Variants in IRX2 observed in about 807,000 individuals in gnomAD.
The protein encoded by IRX2 is iroquois homeobox 2.
In IRX2, 26 loss-of-function variants were observed where a neutral mutation model predicts 42.9. That is an observed-to-expected ratio of 0.61 (90% CI 0.44 to 0.84). The LOEUF is 0.84. IRX2 is among the 40% of genes least tolerant of loss of function. The pLI, the probability that IRX2 is intolerant of heterozygous loss-of-function variation, is 0.00. For missense variants in IRX2, 782 were observed against 713.9 expected, an observed-to-expected ratio of 1.10 and a Z score of -1.09; for synonymous variants, 424 against 353.9, an observed-to-expected ratio of 1.20 and a Z score of -2.22.
chr5:2,738,782 TGTG>T, the IRX2 span, among the ~76,000 whole-genome samples: 1 of 151,666 alleles, frequency 6.6e-6, no homozygotes, highest in Admixed American at 6.6e-5. Context: ...GGAGGCCAGG[TGTG>T]TGGCTCCAGA....
chr5:2,742,728 CT>C (rs1355238792), downstream of IRX2, among the ~76,000 whole-genome samples: 1 of 152,086 alleles, frequency 6.6e-6, no homozygotes, highest in East Asian at 1.9e-4. Context: ...TTGGATGAAA[CT>C]TTCTCATAAT....
Position 2,751,091 on chromosome 5 carries a change from C to A in IRX2, c.249+74G>T. The A allele has an allele frequency of 5.0e-6, 6 of 1,192,706 alleles. No individual in the cohort carries two copies. The highest frequency in any genetic ancestry group is 6.2e-6 in the Non-Finnish European group (6 of 962,792). The allele number at this position is 1,192,706 out of a possible 1,614,324, so 73.9% of individuals were successfully genotyped here. A position where few individuals can be genotyped will look rare whatever the true frequency, so the allele number is the denominator to read the frequency against. ...CCCGGCGGCCCCCGCCCGCCGAACC[C>A]GAGCCCCGCTCCGCCTGAGCCCCGT... On this transcript the variant is annotated intron_variant, in intron 1 of 3. Transcript: ENST00000302057. The surrounding 1 kb of genome is among the most constrained non-coding windows in gnomAD (Gnocchi z 4.0).
chr5:2,738,932 T>C, the IRX2 span, among the ~76,000 whole-genome samples: 1 of 152,182 alleles, frequency 6.6e-6, no homozygotes. Flanking sequence ...GGAGACCCTC[T>C]TCTGACTCCC....
At chr5:2,748,289 T>C in intron 3 of IRX2, 56 bp downstream of exon 3, 2 of 1,346,860 alleles carry the variant, frequency 1.5e-6, no homozygotes, top group South Asian at 1.8e-5. Context: ...GCGCTCCGCC[T>C]CCCCGGGGCT....
rs1467445372 is a variant in IRX2 at position 2,747,315 on chromosome 5, ATATATTT to A, written c.*242_*248del. ...CACACACACACACACACATATATAT[ATATATTT>A]TTTTTTTCCTTCCCTAGGTAAAGGA... On this transcript the variant is annotated 3_prime_UTR_variant, in exon 4 of 4. Coordinates refer to ENST00000302057, the MANE Select transcript of IRX2 (RefSeq NM_033267.5). 5 of 258,310 alleles carry A rather than the reference ATATATTT, an allele frequency of 1.9e-5. No individual in the cohort carries two copies. The highest frequency in any genetic ancestry group is 3.6e-5 in the Non-Finnish European group (5 of 137,878). The allele number at this position is 258,310 out of a possible 1,614,324, so 16.0% of individuals were successfully genotyped here.
rs113795701 is a variant in IRX2, at chr5:2,748,643, G to C, written c.1065C>G (p.Pro355=). The part of the protein sequence containing the change: ...LGPGCGPPGL[P]AAAAPASTGA... Reference sequence around the variant, plus strand: ...CGGTTGAGGCCGGCGCGGCGGCCGCGGGCAGCCCCGGTGGCCCGCAGCCCG... The same window carrying C: ...CGGTTGAGGCCGGCGCGGCGGCCGCCGGCAGCCCCGGTGGCCCGCAGCCCG... Residue 355 remains proline (P), a synonymous_variant, in exon 3 of 4, where the codon CCC becomes CCG. Coordinates refer to ENST00000302057, the MANE Select transcript of IRX2 (RefSeq NM_033267.5). 3 of 1,407,208 alleles carry C rather than the reference G, an allele frequency of 2.1e-6. No homozygotes were observed. Among genetic ancestry groups the C allele is most frequent in the East Asian group, 6.1e-5 (2 of 32,620 alleles). 87.2% of individuals were successfully genotyped at this position (1,407,208 alleles called of 1,614,324 possible). A position where few individuals can be genotyped will look rare whatever the true frequency, so the allele number is the denominator to read the frequency against.
At chr5:2,736,588 C>T in the IRX2 span, 2 of 152,154 alleles carry the variant, frequency 1.3e-5, no homozygotes, top group African/African-American at 4.8e-5. Context: ...TAAATGTATG[C>T]TTTGAGAAGG....
downstream of IRX2, among the ~76,000 whole-genome samples, chr5:2,740,865 G>T (rs1737521227): frequency 3.3e-5 from 5 of 152,136 alleles, no homozygotes; most frequent in South Asian, 1.0e-3. Context: ...ACGCACTGAG[G>T]AGCCTGTCTT....
the IRX2 span, among the ~76,000 whole-genome samples, chr5:2,738,578 A>G: frequency 2.0e-5 from 3 of 151,938 alleles, no homozygotes; most frequent in African/African-American, 7.3e-5. Context: ...GTTCCCAGGG[A>G]AGCCTTCACC....
In IRX2 at chr5:2,748,579, G is replaced by T. The variant is rs1197277949; in HGVS notation, c.1129C>A (p.Leu377Met). ...GTGTAGTAGAGGGGGCGGCCCAGCAGCGGCGAGGCAGGGTAGGGCGAGCCT... is the reference window on the plus strand; with the variant it reads ...GTGTAGTAGAGGGGGCGGCCCAGCATCGGCGAGGCAGGGTAGGGCGAGCCT... ...PGGSPYPASP[L>M]LGRPLYYTSP... Residue 377 changes from leucine (L) to methionine (M), a missense_variant, in exon 3 of 4, where the codon CTG (leucine) becomes ATG (methionine). By Grantham distance (15) the Leu-to-Met change is conservative. Coordinates refer to ENST00000302057, the MANE Select transcript of IRX2 (RefSeq NM_033267.5). The T allele has an allele frequency of 6.4e-7, 1 of 1,561,608 alleles. No individual in the cohort carries two copies. Among genetic ancestry groups the T allele is most frequent in the Admixed American group, 1.9e-5 (1 of 53,288 alleles).
Position 2,749,451 on chromosome 5 carries a change from C to T in IRX2, c.586G>A (p.Ala196Thr), listed in dbSNP as rs754857916. 31 of 1,614,094 alleles carry T rather than the reference C, an allele frequency of 1.9e-5. No individual in the cohort carries two copies. Among genetic ancestry groups the T allele is most frequent in the Non-Finnish European group, 2.6e-5 (31 of 1,180,038 alleles). ...SEDEDEDEGDATRSKDESPDK... is the reference protein window; with the variant it reads ...SEDEDEDEGDTTRSKDESPDK... ...GGACTCTCGTCCTTGCTTCTGGTAG[C>T]GTCGCCCTCGTCCTCGTCCTCATCT... is the stretch of plus-strand genomic sequence containing the variant. The change falls in exon 2 of 4, where the codon GCT (alanine) becomes ACT (threonine). Residue 196 changes from alanine (A) to threonine (T), a missense_variant. Transcript: ENST00000302057.
In IRX2 at chr5:2,751,132, CAG is replaced by C; in HGVS notation, c.249+31_249+32del. The C allele has an allele frequency of 8.2e-7, 1 of 1,226,168 alleles. No homozygotes were observed. Among genetic ancestry groups the C allele is most frequent in the Non-Finnish European group, 1.0e-6 (1 of 982,620 alleles). The allele number at this position is 1,226,168 out of a possible 1,614,324, so 76.0% of individuals were successfully genotyped here. The stretch of plus-strand genomic sequence containing the variant: ...TGAGCCCCGTCTGGGTCCCGGCGCC[CAG>C]GAGTCCCGCGTCCCGCCCGCGCCCG... On this transcript the variant is annotated intron_variant, in intron 1 of 3. Coordinates refer to ENST00000302057, the MANE Select transcript of IRX2 (RefSeq NM_033267.5). The surrounding 1 kb of genome is among the most constrained non-coding windows in gnomAD (Gnocchi z 4.0).
chr5:2,745,384 T>C (rs1267306954), downstream of IRX2, among the ~76,000 whole-genome samples: 1 of 152,050 alleles, frequency 6.6e-6, no homozygotes, highest in Non-Finnish European at 1.5e-5. Flanking sequence ...TTCTCTGAAA[T>C]TATATTATAT....
At chr5:2,740,352 C>T in the IRX2 span, among the ~76,000 whole-genome samples, 1 of 152,026 alleles carries the variant, frequency 6.6e-6, no homozygotes, top group Non-Finnish European at 1.5e-5. Context: ...AGCCGGCTCA[C>T]CCCCTCTCCT....
In IRX2 at chr5:2,751,183, G is replaced by C. The variant is rs746409440; in HGVS notation, c.231C>G (p.Ala77=). The C allele has an allele frequency of 8.1e-7, 1 of 1,236,690 alleles. No individual in the cohort carries two copies. The highest frequency in any genetic ancestry group is 1.0e-6 in the Non-Finnish European group (1 of 988,228). The allele number at this position is 1,236,690 out of a possible 1,614,324, so 76.6% of individuals were successfully genotyped here. A position where few individuals can be genotyped will look rare whatever the true frequency, so the allele number is the denominator to read the frequency against. Residue 77 remains alanine, a synonymous_variant, in exon 1 of 4, where the codon GCC becomes GCG. Coordinates refer to ENST00000302057, the MANE Select transcript of IRX2 (RefSeq NM_033267.5). This position sits in a 1 kb window ranked among gnomAD's most constrained non-coding sequence, Gnocchi z 4.0. ...QYSADAAAAA[A]GFPSYMGAPY... ...CGGTTACCATGTAGGACGGGAAGCC[G>C]GCGGCGGCGGCGGCGGCGTCGGCCG...
rs1350560068 is a variant in IRX2, at chr5:2,751,315, G to C, written c.99C>G (p.Ser33Arg). 3 of 1,437,116 alleles carry C rather than the reference G, an allele frequency of 2.1e-6. No homozygotes were observed. The South Asian group carries it at 4.0e-5, about 19-fold the overall frequency. 89.0% of individuals were successfully genotyped at this position (1,437,116 alleles called of 1,614,324 possible). Residue 33 changes from serine to arginine, a missense_variant, in exon 1 of 4, where the codon AGC becomes AGG. By Grantham distance (110) the Ser-to-Arg change is moderately radical. Coordinates refer to ENST00000302057, the MANE Select transcript of IRX2 (RefSeq NM_033267.5). The surrounding 1 kb of genome is among the most constrained non-coding windows in gnomAD (Gnocchi z 4.0). ...CCGACGCCGAGCGCGCCAGCTCCTC[G>C]CTGCGCGGAGCCGCCAAAGCCGACG... ...YGASALAAPRSEELARSASGS... is the reference protein window; with the variant it reads ...YGASALAAPRREELARSASGS...
Position 2,748,712 on chromosome 5 carries a change from C to G in IRX2, c.996G>C (p.Leu332=). 1 of 1,398,770 alleles carries G rather than the reference C, an allele frequency of 7.1e-7. No homozygotes were observed. The highest frequency in any genetic ancestry group is 9.3e-7 in the Non-Finnish European group (1 of 1,077,718). The allele number at this position is 1,398,770 out of a possible 1,614,324, so 86.6% of individuals were successfully genotyped here. Reference sequence around the variant, plus strand: ...TGAGGTCCGACGTGGCGATCTCGGCCAGCGACCACAGCTTGGGCTTGCTGG... The same window carrying G: ...TGAGGTCCGACGTGGCGATCTCGGCGAGCGACCACAGCTTGGGCTTGCTGG... ...PPASKPKLWS[L]AEIATSDLKQ... The change falls in exon 3 of 4, where the codon CTG becomes CTC. Residue 332 remains leucine (L), a synonymous_variant. Coordinates refer to ENST00000302057, the MANE Select transcript of IRX2 (RefSeq NM_033267.5).
chr5:2,749,647 C>A lies in IRX2; in HGVS notation c.390G>T (p.Lys130Asn), dbSNP rs770309329. Residue 130 changes from lysine (K) to asparagine (N), a missense_variant, in exon 2 of 4, where the codon AAG becomes AAT. Lys to Asn is a moderately conservative substitution (Grantham distance 94). Transcript: ENST00000302057. ...NATRDATATL[K>N]AWLNEHRKNP... ...TCTTGCGGTGCTCGTTGAGCCAGGC[C>A]TTGAGAGTGGCCGTGGCGTCCCGCG... The A allele has an allele frequency of 6.2e-7, 1 of 1,614,232 alleles. No individual in the cohort carries two copies. The highest frequency in any genetic ancestry group is 8.5e-7 in the Non-Finnish European group (1 of 1,180,038).
chr5:2,735,842 C>A, the IRX2 span, among the ~76,000 whole-genome samples: 1 of 152,150 alleles, frequency 6.6e-6, no homozygotes, highest in Non-Finnish European at 1.5e-5. Context: ...GGTAAATTGT[C>A]TGAGATTTGA....
Sources: allele counts gnomAD v4.1 joint callset (sites outside exome capture counted in the v4.1 genomes callset), GRCh38; gene constraint gnomAD v4.1.1; non-coding constraint Gnocchi (gnomAD v3.1); transcripts MANE v1.5; gene names NCBI Gene and HGNC (gene_info 2026-07-23, HGNC 2026-07-21).